Variants in FARS2 observed in about 807,000 individuals in gnomAD.
FARS2 encodes phenylalanine--tRNA ligase, mitochondrial.
Under a neutral mutation model 46.4 loss-of-function variants are expected in FARS2, and 40 were observed. The observed-to-expected ratio is 0.86, with a 90% CI of 0.67 to 1.12. The LOEUF (loss-of-function observed/expected upper bound fraction) is 1.12. Ranked by LOEUF, FARS2 falls within the 50% of genes most tolerant of loss-of-function variation. The pLI is 0.00. For synonymous variants in FARS2, 234 were observed against 214.9 expected, an observed-to-expected ratio of 1.09 and a Z score of -0.78; for missense variants, 513 against 567.9, an observed-to-expected ratio of 0.90 and a Z score of 0.98.
chr6:5,617,345 AT>A (rs1322805252), intron 6 of FARS2, among the ~76,000 whole-genome samples: 1 of 152,102 alleles, frequency 6.6e-6, no homozygotes, highest in African/African-American at 2.4e-5. Context: ...TTTATAGACT[AT>A]TTTTTTGGAG....
chr6:5,764,782 G>A lies in FARS2; in HGVS notation c.1218-6509G>A, dbSNP rs1175184110. On this transcript the variant is annotated intron_variant, in intron 6 of 6. Coordinates refer to ENST00000274680, the MANE Select transcript of FARS2 (RefSeq NM_006567.5). This position sits in a 1 kb window ranked among gnomAD's most constrained non-coding sequence, Gnocchi z 4.1. Reference sequence around the variant, plus strand: ...GGAAAGGTTTTATTTTGAGTGCAGAGCCTGTTTGGTTGCCAGGGTAAACCA... The same window carrying A: ...GGAAAGGTTTTATTTTGAGTGCAGAACCTGTTTGGTTGCCAGGGTAAACCA... Among the ~76,000 whole-genome samples the A allele has an allele frequency of 6.6e-6, 1 of 152,204 alleles. No individual in the cohort carries two copies. The highest frequency in any genetic ancestry group is 1.5e-5 in the Non-Finnish European group (1 of 68,036).
chr6:5,512,059 C>A (rs1197647615), intron 4 of FARS2, among the ~76,000 whole-genome samples: 1 of 152,174 alleles, frequency 6.6e-6, no homozygotes, highest in Non-Finnish European at 1.5e-5. Flanking sequence ...TTATTTATGG[C>A]ATTTTTTGGC....
At chr6:5,368,298 A>G (rs185693396) in intron 1 of FARS2, among the ~76,000 whole-genome samples, 3 of 152,346 alleles carry the variant, frequency 2.0e-5, no homozygotes, top group African/African-American at 7.2e-5. Context: ...TACAAAGCCA[A>G]GGATCTGAAT....
chr6:5,603,340 AC>A (rs1774650088), intron 5 of FARS2, among the ~76,000 whole-genome samples: 8 of 152,174 alleles, frequency 5.3e-5, no homozygotes, highest in Admixed American at 5.2e-4. Context: ...ACAGCTTGTT[AC>A]TTACATAAAT....
Position 5,546,636 on chromosome 6 carries a change from A to G in FARS2, c.1065+1296A>G, listed in dbSNP as rs1334247340. ...ATGTTAGACCATTTGATCCTATGCC[A>G]TAGAACTCTGATGAAAGGTTTTTTT... is the stretch of plus-strand genomic sequence containing the variant. On this transcript the variant is annotated intron_variant, in intron 5 of 6. Transcript: ENST00000274680. Among the ~76,000 whole-genome samples, 3 of 152,152 alleles carry G rather than the reference A, an allele frequency of 2.0e-5. No individual in the cohort carries two copies. In the East Asian group the frequency reaches 5.8e-4, roughly 29 times the overall value.
intron 4 of FARS2, among the ~76,000 whole-genome samples, chr6:5,494,450 C>T (rs772717583): frequency 6.6e-6 from 1 of 152,142 alleles, no homozygotes; most frequent in Non-Finnish European, 1.5e-5. Context: ...TGAAACTCTG[C>T]GTGTTTAGGT....
chr6:5,510,638 A>G (rs1416138539), intron 4 of FARS2, among the ~76,000 whole-genome samples: 1 of 152,168 alleles, frequency 6.6e-6, no homozygotes, highest in Non-Finnish European at 1.5e-5. Context: ...TGGACCTGCT[A>G]GAGAGCTAGC....
At chr6:5,602,645 C>CA (rs55712653) in intron 5 of FARS2, among the ~76,000 whole-genome samples, 6,354 of 71,934 alleles carry the variant, frequency 0.088, 806 homozygotes, top group East Asian at 0.5. Context: ...GACTCCGTCT[C>CA]AAAAAAAAAA....
At chr6:5,689,746 G>GAT (rs1414198598) in intron 6 of FARS2, among the ~76,000 whole-genome samples, 1 of 152,144 alleles carries the variant, frequency 6.6e-6, no homozygotes, top group Non-Finnish European at 1.5e-5. Context: ...TCAGTTCCTG[G>GAT]ATATGCTTGT....
chr6:5,260,438 C>T (rs1016055811), upstream of FARS2, among the ~76,000 whole-genome samples: 1 of 152,252 alleles, frequency 6.6e-6, no homozygotes, highest in African/African-American at 2.4e-5. Context: ...GAACGTCTCC[C>T]CTGGTAGAAA....
intron 3 of FARS2, among the ~76,000 whole-genome samples, chr6:5,429,328 G>C (rs1356692154): frequency 6.6e-6 from 1 of 152,160 alleles, no homozygotes; most frequent in African/African-American, 2.4e-5. Flanking sequence ...ACTTGTCATA[G>C]ACAGCAGCTA....
chr6:5,430,315 G>T (rs1260037541), intron 3 of FARS2, among the ~76,000 whole-genome samples: 1 of 152,058 alleles, frequency 6.6e-6, no homozygotes, highest in Non-Finnish European at 1.5e-5. Context: ...TCTGCTCTTT[G>T]CAGGCTTTAA....
chr6:5,480,138 T>C (rs955830199), intron 4 of FARS2, among the ~76,000 whole-genome samples: 18 of 152,248 alleles, frequency 1.2e-4, no homozygotes, highest in Non-Finnish European at 2.5e-4. Flanking sequence ...AACTGGCAGT[T>C]GACGCAAGGC....
At chr6:5,704,675 C>A (rs559335643) in intron 6 of FARS2, among the ~76,000 whole-genome samples, 1 of 152,096 alleles carries the variant, frequency 6.6e-6, no homozygotes, top group Non-Finnish European at 1.5e-5. Context: ...TCAAGACATA[C>A]GCAAGAGGTA....
chr6:5,498,138 T>C (rs1331340532), intron 4 of FARS2, among the ~76,000 whole-genome samples: 1 of 152,224 alleles, frequency 6.6e-6, no homozygotes, highest in Non-Finnish European at 1.5e-5. Flanking sequence ...TGTGGTTTCA[T>C]TGAATGGAAT....
intron 6 of FARS2, among the ~76,000 whole-genome samples, chr6:5,767,311 C>A (rs1762803167): frequency 6.6e-6 from 1 of 152,210 alleles, no homozygotes; most frequent in Non-Finnish European, 1.5e-5. Context: ...CCGTCTTGGC[C>A]TCCCAAAGTG....
intron 1 of FARS2, among the ~76,000 whole-genome samples, chr6:5,297,586 T>A (rs990548115): frequency 6.6e-6 from 1 of 151,952 alleles, no homozygotes; most frequent in African/African-American, 2.4e-5. Flanking sequence ...AGGCGGAGGT[T>A]GCAGTGAGCC....
Position 5,657,646 on chromosome 6 carries a change from T to C in FARS2, c.1217+44326T>C, listed in dbSNP as rs1262077553. On this transcript the variant is annotated intron_variant, in intron 6 of 6. Transcript: ENST00000274680. Reference sequence around the variant, plus strand: ...TTGGTTTATAAGTGCTCCAGGGAGATGTATATGCATTTAGCTACACAAAAC... The same window carrying C: ...TTGGTTTATAAGTGCTCCAGGGAGACGTATATGCATTTAGCTACACAAAAC... Among the ~76,000 whole-genome samples the C allele has an allele frequency of 3.3e-5, 5 of 152,212 alleles. No individual in the cohort carries two copies. In the East Asian group the frequency reaches 9.6e-4, roughly 29 times the overall value.
intron 6 of FARS2, among the ~76,000 whole-genome samples, chr6:5,730,982 CT>C (rs936586034): frequency 2.6e-5 from 4 of 152,218 alleles, no homozygotes; most frequent in African/African-American, 9.6e-5. Flanking sequence ...CAGACCCACA[CT>C]GCTGGCTCTG....
Sources: gnomAD v4.1 joint callset for allele counts (sites outside exome capture counted in the v4.1 genomes callset) on GRCh38, gnomAD v4.1.1 for gene constraint, Gnocchi (gnomAD v3.1) non-coding constraint, MANE v1.5 for transcripts, NCBI Gene and HGNC (gene_info 2026-07-23, HGNC 2026-07-21) for gene names.